HDAC2: variants seen among roughly 807,000 people sequenced by gnomAD.
HDAC2 encodes the protein YY1-associated factor 1.
In HDAC2, 5 loss-of-function variants were observed where a neutral mutation model predicts 68.5. That is an observed-to-expected ratio of 0.07 (90% CI 0.04 to 0.15). The LOEUF (loss-of-function observed/expected upper bound fraction) is 0.15. HDAC2 is among the 10% of genes least tolerant of loss of function. The pLI is 1.00. For synonymous variants in HDAC2, 182 were observed against 191.3 expected, an observed-to-expected ratio of 0.95 and a Z score of 0.40; for missense variants, 291 against 600.8, an observed-to-expected ratio of 0.48 and a Z score of 5.39.
intron 6 of HDAC2, among the ~76,000 whole-genome samples, chr6:113,952,405 C>A (rs915138576): frequency 6.6e-5 from 10 of 152,190 alleles, no homozygotes; most frequent in African/African-American, 2.4e-4. Context: ...GAGAAAGTAT[C>A]ACACTGTGAT....
chr6:113,944,001 T>G (rs1372820119), intron 11 of HDAC2, among the ~76,000 whole-genome samples: 1 of 152,196 alleles, frequency 6.6e-6, no homozygotes, highest in East Asian at 1.9e-4. Context: ...TCACCCTACT[T>G]TAGATAAATG....
chr6:113,933,624 G>A lies in HDAC2; in HGVS notation c.*7434C>T, dbSNP rs1347559343. ...AATTGAGGCTTTATTTATGTGTTAG[G>A]CACTGTTCTAGACACTGGAGATTAA... On this transcript the variant is annotated 3_prime_UTR_variant, in exon 14 of 14. Transcript: ENST00000519065. 6.6e-6 allele frequency: 1 copy of A among 151,330 alleles called. No homozygotes were observed. The highest frequency in any genetic ancestry group is 1.9e-4 in the East Asian group (1 of 5,132). 9.4% of individuals were successfully genotyped at this position (151,330 alleles called of 1,614,324 possible).
rs577141225 is a variant in HDAC2 at position 113,933,943 on chromosome 6, C to A, written c.*7115G>T. 3.3e-5 allele frequency: 5 copies of A among 151,770 alleles called. No individual in the cohort carries two copies. The highest frequency in any genetic ancestry group is 5.9e-5 in the Non-Finnish European group (4 of 67,958). 9.4% of individuals were successfully genotyped at this position (151,770 alleles called of 1,614,324 possible). Reference sequence around the variant, plus strand: ...GTATAGTTCCTGTCTCCTGACTGAACGCTGATGCAGGGAAACTCTGGTCTC... The same window carrying A: ...GTATAGTTCCTGTCTCCTGACTGAAAGCTGATGCAGGGAAACTCTGGTCTC... On this transcript the variant is annotated 3_prime_UTR_variant, in exon 14 of 14. Transcript: ENST00000519065.
At position 113,935,120 on chromosome 6, in the gene HDAC2, G is replaced by A. The variant is rs1775975857; in HGVS notation, c.*5938C>T. 6.6e-6 allele frequency: 1 copy of A among 152,172 alleles called. No individual in the cohort carries two copies. Among genetic ancestry groups the A allele is most frequent in the Non-Finnish European group, 1.5e-5 (1 of 68,030 alleles). 9.4% of individuals were successfully genotyped at this position (152,172 alleles called of 1,614,324 possible). On this transcript the variant is annotated 3_prime_UTR_variant, in exon 14 of 14. Transcript: ENST00000519065. ...TTATCTACCACAGGGCCACACAACA[G>A]TGCCCTCTTAAGCCCCTTAATTTCA...
rs545748113 is a variant in HDAC2 at position 113,970,945 on chromosome 6, C to CCTGTTG, written c.-38_-37insCAACAG. 1.1e-5 allele frequency: 17 copies of CCTGTTG among 1,544,138 alleles called. No homozygotes were observed. The highest frequency in any genetic ancestry group is 1.4e-5 in the Non-Finnish European group (16 of 1,142,736). On this transcript the variant is annotated 5_prime_UTR_variant, in exon 1 of 14. Transcript: ENST00000519065. ...CCACCGCCGCCACCGGGCTCCTCCT[C>CCTGTTG]CTGCTGCTGCTGCTGCTGCTGCTGC... is the stretch of plus-strand genomic sequence containing the variant.
At chr6:113,966,395 T>C (rs1188118461) in intron 1 of HDAC2, among the ~76,000 whole-genome samples, 1 of 151,560 alleles carries the variant, frequency 6.6e-6, no homozygotes, top group Non-Finnish European at 1.5e-5. Flanking sequence ...TACTAAAAAA[T>C]ACAAAAATTA....
chr6:113,954,805 T>C (rs57386637), intron 5 of HDAC2, among the ~76,000 whole-genome samples: 27,453 of 152,086 alleles, frequency 0.18, 2,704 homozygotes, highest in East Asian at 0.35. Flanking sequence ...CTCAGTATAA[T>C]ACAAAGTAGA....
Position 113,940,957 on chromosome 6 carries a change from C to G in HDAC2, c.*101G>C. On this transcript the variant is annotated 3_prime_UTR_variant, in exon 14 of 14. Transcript: ENST00000519065. ...ATTTGAAAATAAATACAGTCCATGC[C>G]AAAGTAGTATAAAATGAAGCCAGAA... 1.1e-6 allele frequency: 1 copy of G among 878,346 alleles called. No homozygotes were observed. The highest frequency in any genetic ancestry group is 1.8e-6 in the Non-Finnish European group (1 of 557,532). The allele number at this position is 878,346 out of a possible 1,614,324, so 54.4% of individuals were successfully genotyped here. A position where few individuals can be genotyped will look rare whatever the true frequency, so the allele number is the denominator to read the frequency against.
intron 2 of HDAC2, chr6:113,959,596 T>TAAAAAAAAAAAAA (rs771822379): frequency 8.2e-6 from 1 of 122,240 alleles, no homozygotes; most frequent in African/African-American, 3.0e-5. Context: ...ACAATTATTG[T>TAAAAAAAAAAAAA]AAAAAAAAAA....
At chr6:113,961,430 T>G (rs1582494949) in intron 1 of HDAC2, among the ~76,000 whole-genome samples, 1 of 152,180 alleles carries the variant, frequency 6.6e-6, no homozygotes, top group South Asian at 2.1e-4. Context: ...AGCTCTCTTC[T>G]GAAAACAATT....
chr6:113,935,322 T>A lies in HDAC2; in HGVS notation c.*5736A>T, dbSNP rs1775979759. 2 of 152,234 alleles carry A rather than the reference T, an allele frequency of 1.3e-5. No homozygotes were observed. The highest frequency in any genetic ancestry group is 2.9e-5 in the Non-Finnish European group (2 of 68,038). The allele number at this position is 152,234 out of a possible 1,614,324, so 9.4% of individuals were successfully genotyped here. A position where few individuals can be genotyped will look rare whatever the true frequency, so the allele number is the denominator to read the frequency against. The stretch of plus-strand genomic sequence containing the variant: ...TTTGTTGCCAGAAGTGTAATGACTT[T>A]TTGTTGGTATTTGTTAAGTACAGCC... On this transcript the variant is annotated 3_prime_UTR_variant, in exon 14 of 14. Coordinates refer to ENST00000519065, the MANE Select transcript of HDAC2 (RefSeq NM_001527.4).
At chr6:113,969,140 T>A (rs148771780) in intron 1 of HDAC2, among the ~76,000 whole-genome samples, 4 of 152,256 alleles carry the variant, frequency 2.6e-5, no homozygotes, top group African/African-American at 9.6e-5. Flanking sequence ...AAATATGCAA[T>A]GTAAATCATG....
rs1248439323 is a variant in HDAC2, at chr6:113,945,792, T to C, written c.982+216A>G. On this transcript the variant is annotated intron_variant, in intron 9 of 13. Coordinates refer to ENST00000519065, the MANE Select transcript of HDAC2 (RefSeq NM_001527.4). ...TTTATAAAACAGGCTCAGTATTAGA[T>C]TATTTTGTCCAACTGAAGCCTAACC... is the stretch of plus-strand genomic sequence containing the variant. Among the ~76,000 whole-genome samples the C allele has an allele frequency of 2.0e-5, 3 of 152,224 alleles. No homozygotes were observed. In the East Asian group the frequency reaches 5.8e-4, roughly 29 times the overall value.
chr6:113,939,534 C>A lies in HDAC2; in HGVS notation c.*1524G>T, dbSNP rs1196019691. On this transcript the variant is annotated 3_prime_UTR_variant, in exon 14 of 14. Coordinates refer to ENST00000519065, the MANE Select transcript of HDAC2 (RefSeq NM_001527.4). ...CAAACACTAAATACATTTCATTATCCCCCTAACGAAGGGACTAAGTTTCTT... is the reference window on the plus strand; with the variant it reads ...CAAACACTAAATACATTTCATTATCACCCTAACGAAGGGACTAAGTTTCTT... 1.3e-5 allele frequency: 2 copies of A among 152,084 alleles called. No individual in the cohort carries two copies. Among genetic ancestry groups the A allele is most frequent in the Non-Finnish European group, 2.9e-5 (2 of 68,030 alleles). 9.4% of individuals were successfully genotyped at this position (152,084 alleles called of 1,614,324 possible). A position where few individuals can be genotyped will look rare whatever the true frequency, so the allele number is the denominator to read the frequency against.
In HDAC2 at chr6:113,945,991, G is replaced by A. The variant is rs1244439511; in HGVS notation, c.982+17C>T. Reference sequence around the variant, plus strand: ...TGACAGTTCATACAATAAAGATATTGTAATGAGAACACTTACCATTGGGAA... The same window carrying A: ...TGACAGTTCATACAATAAAGATATTATAATGAGAACACTTACCATTGGGAA... On this transcript the variant is annotated intron_variant, in intron 9 of 13. Transcript: ENST00000519065. The A allele has an allele frequency of 1.3e-6, 2 of 1,596,510 alleles. No homozygotes were observed. The highest frequency in any genetic ancestry group is 8.6e-7 in the Non-Finnish European group (1 of 1,164,590).
intron 1 of HDAC2, among the ~76,000 whole-genome samples, chr6:113,967,908 A>G (rs1352310182): frequency 6.6e-6 from 1 of 152,256 alleles, no homozygotes; most frequent in Non-Finnish European, 1.5e-5. Flanking sequence ...CAATAGCTAC[A>G]GTCAGAGAAG....
chr6:113,955,898 T>C, intron 5 of HDAC2, 115 bp downstream of exon 5: 2 of 694,804 alleles, frequency 2.9e-6, no homozygotes, highest in South Asian at 5.5e-5. Context: ...AAATTCACCA[T>C]TAACTATTTC....
At position 113,962,408 on chromosome 6, in the gene HDAC2, A is replaced by G. The variant is rs1280660699; in HGVS notation, c.53-2390T>C. ...GCAGGGTGAAGGCTGAAAAAAAGAC[A>G]TAATATGAAATATAAATATTTTAAA... On this transcript the variant is annotated intron_variant, in intron 1 of 13. Transcript: ENST00000519065. 3.8e-6 allele frequency: 3 copies of G among 796,780 alleles called. No homozygotes were observed. In the East Asian group the frequency reaches 3.7e-4, roughly 100 times the overall value. 49.4% of individuals were successfully genotyped at this position (796,780 alleles called of 1,614,324 possible).
rs1775982051 is a variant in HDAC2 at position 113,935,470 on chromosome 6, T to C, written c.*5588A>G. On this transcript the variant is annotated 3_prime_UTR_variant, in exon 14 of 14. Transcript: ENST00000519065. The stretch of plus-strand genomic sequence containing the variant: ...GGGCAGGGAAGTGACCCTGGATGTT[T>C]ATTTCTGAAGAAACAAAAAAGATGA... The C allele has an allele frequency of 6.6e-6, 1 of 152,210 alleles. No homozygotes were observed. The highest frequency in any genetic ancestry group is 6.5e-5 in the Admixed American group (1 of 15,282). The allele number at this position is 152,210 out of a possible 1,614,324, so 9.4% of individuals were successfully genotyped here. A position where few individuals can be genotyped will look rare whatever the true frequency, so the allele number is the denominator to read the frequency against.
Sources: gnomAD v4.1 joint callset for allele counts (sites outside exome capture counted in the v4.1 genomes callset) on GRCh38, gnomAD v4.1.1 for gene constraint, MANE v1.5 for transcripts, NCBI Gene and HGNC (gene_info 2026-07-23, HGNC 2026-07-21) for gene names.